JAKMIP2: variants seen among roughly 807,000 people sequenced by gnomAD.
JAKMIP2 encodes the protein janus kinase and microtubule interacting protein 2, also known as janus kinase and microtubule-interacting protein 2.
In JAKMIP2, 25 loss-of-function variants were observed where a neutral mutation model predicts 115.0. That is an observed-to-expected ratio of 0.22 (90% CI 0.16 to 0.30). The LOEUF (loss-of-function observed/expected upper bound fraction) is 0.30. JAKMIP2 is among the 10% of genes least tolerant of loss of function. The pLI, the probability that JAKMIP2 is intolerant of heterozygous loss-of-function variation, is 1.00. For missense variants in JAKMIP2, 642 were observed against 957.6 expected (o/e 0.67, Z 4.35); for synonymous variants, 334 against 343.6 (o/e 0.97, Z 0.31).
chr5:147,750,421 A>C (rs1265970746), intron 1 of JAKMIP2, among the ~76,000 whole-genome samples: 1 of 152,050 alleles, frequency 6.6e-6, no homozygotes, highest in Non-Finnish European at 1.5e-5. Context: ...CACATGTTAT[A>C]CTCACTTATT....
intron 1 of JAKMIP2, among the ~76,000 whole-genome samples, chr5:147,684,544 AG>A (rs2126842470): frequency 6.6e-6 from 1 of 152,340 alleles, no homozygotes; most frequent in East Asian, 1.9e-4. Context: ...AGGTAGGACA[AG>A]TGGAGATAAG....
intron 1 of JAKMIP2, among the ~76,000 whole-genome samples, chr5:147,709,372 A>G (rs1257011381): frequency 6.6e-6 from 1 of 152,172 alleles, no homozygotes; most frequent in Non-Finnish European, 1.5e-5. Flanking sequence ...ATACATGCCA[A>G]CTATTACATA....
Position 147,661,029 on chromosome 5 carries a change from C to T in JAKMIP2, c.546G>A (p.Gly182=). ...GGGACTGATGCTCACTCCGAAGGTC[C>T]CCAGCCTTGATTTTATCTGCTTGGA... ...NMIQADKIKA[G]DLRSEHQSHQ... is the part of the protein sequence containing the mutation. The change falls in exon 3 of 22, where the codon GGG becomes GGA. Residue 182 remains glycine (G), a synonymous_variant. Transcript: ENST00000616793. 6.2e-7 allele frequency: 1 copy of T among 1,613,988 alleles called. No homozygotes were observed. Among genetic ancestry groups the T allele is most frequent in the Non-Finnish European group, 8.5e-7 (1 of 1,180,014 alleles).
chr5:147,669,133 TA>T (rs1227152063), intron 2 of JAKMIP2, among the ~76,000 whole-genome samples: 3 of 152,340 alleles, frequency 2.0e-5, no homozygotes, highest in Admixed American at 2.0e-4. Flanking sequence ...GCATTGTTCA[TA>T]TTCTCTCTCT....
intron 1 of JAKMIP2, among the ~76,000 whole-genome samples, chr5:147,779,485 T>C (rs1171315328): frequency 6.6e-6 from 1 of 152,066 alleles, no homozygotes; most frequent in African/African-American, 2.4e-5. Context: ...AATAACACAG[T>C]ACATTTTTCA....
At chr5:147,732,198 A>G (rs1279726199) in intron 1 of JAKMIP2, among the ~76,000 whole-genome samples, 1 of 152,198 alleles carries the variant, frequency 6.6e-6, no homozygotes, top group African/African-American at 2.4e-5. Context: ...TTAGGTTTCC[A>G]GTCTATGTTT....
At chr5:147,660,886 C>T in intron 3 of JAKMIP2, 62 bp downstream of exon 3, 1 of 1,562,058 alleles carries the variant, frequency 6.4e-7, no homozygotes, top group Non-Finnish European at 8.7e-7. Flanking sequence ...GCAAACCCCA[C>T]AGCGCTCTGA....
At chr5:147,618,225 G>T in intron 18 of JAKMIP2, 111 bp from the exon 19 acceptor site, 1 of 761,980 alleles carries the variant, frequency 1.3e-6, no homozygotes, top group Non-Finnish European at 2.2e-6. Flanking sequence ...AGGCTTATAG[G>T]ATCTTAGCAA....
intron 1 of JAKMIP2, among the ~76,000 whole-genome samples, chr5:147,752,258 A>G (rs1447757805): frequency 6.6e-6 from 1 of 152,192 alleles, no homozygotes; most frequent in African/African-American, 2.4e-5. Context: ...TGGATGAAGT[A>G]TGGAGTGCCT....
chr5:147,706,224 A>G (rs1409019655), intron 1 of JAKMIP2, among the ~76,000 whole-genome samples: 1 of 152,154 alleles, frequency 6.6e-6, no homozygotes, highest in East Asian at 1.9e-4. Flanking sequence ...CTCTTACAGA[A>G]GTGAATTCCC....
rs141920130 is a variant in JAKMIP2, at chr5:147,622,600, C to G, written c.2064+1021G>C. Among the ~76,000 whole-genome samples the G allele has an allele frequency of 1.6e-3, 250 of 152,318 alleles. 6 individuals carry two copies. The East Asian group carries it at 0.034, about 21-fold the overall frequency. On this transcript the variant is annotated intron_variant, in intron 17 of 21. Transcript: ENST00000616793. ...ATCAGAACTTCCTTCCTTTTGAAGG[C>G]TAAATAATATTCCATGATATGTATA...
At chr5:147,639,124 T>C (rs1333619530) in intron 10 of JAKMIP2, among the ~76,000 whole-genome samples, 2 of 152,212 alleles carry the variant, frequency 1.3e-5, no homozygotes, top group African/African-American at 4.8e-5. Context: ...TTTGTGCTAT[T>C]TGGGGCAATT....
At position 147,660,853 on chromosome 5, in the gene JAKMIP2, C is replaced by T. The variant is rs1163257010; in HGVS notation, c.627+95G>A. Reference sequence around the variant, plus strand: ...AAAGGTAGGCACTGTTTACAATCCACTGACAAGAAAACACATGAAGAAGCA... The same window carrying T: ...AAAGGTAGGCACTGTTTACAATCCATTGACAAGAAAACACATGAAGAAGCA... On this transcript the variant is annotated intron_variant, in intron 3 of 21. Transcript: ENST00000616793. 4.3e-6 allele frequency: 6 copies of T among 1,397,420 alleles called. No individual in the cohort carries two copies. The East Asian group carries it at 1.4e-4, about 32-fold the overall frequency. The allele number at this position is 1,397,420 out of a possible 1,614,324, so 86.6% of individuals were successfully genotyped here.
At chr5:147,719,418 T>G (rs201814345) in intron 1 of JAKMIP2, among the ~76,000 whole-genome samples, 35,039 of 127,048 alleles carry the variant, frequency 0.28, 5,799 homozygotes, top group African/African-American at 0.51. Context: ...ACTTTCTGTC[T>G]CGTTGATCTG....
intron 20 of JAKMIP2, among the ~76,000 whole-genome samples, chr5:147,602,055 T>C (rs1380081514): frequency 6.6e-6 from 1 of 152,120 alleles, no homozygotes; most frequent in East Asian, 1.9e-4. Flanking sequence ...TGGTCTAAGC[T>C]CCTAATTTTA....
chr5:147,782,140 G>C (rs914315637), intron 1 of JAKMIP2, among the ~76,000 whole-genome samples: 1 of 152,122 alleles, frequency 6.6e-6, no homozygotes, highest in African/African-American at 2.4e-5. Context: ...CCCTCTTCTT[G>C]TTGTTAGCTC....
intron 20 of JAKMIP2, among the ~76,000 whole-genome samples, chr5:147,602,102 A>C (rs2126586529): frequency 6.6e-6 from 1 of 152,354 alleles, no homozygotes; most frequent in South Asian, 2.1e-4. Flanking sequence ...GTAAATCAAT[A>C]GTTTAATTTC....
chr5:147,759,357 T>A (rs1252467592), intron 1 of JAKMIP2, among the ~76,000 whole-genome samples: 1 of 152,096 alleles, frequency 6.6e-6, no homozygotes, highest in Non-Finnish European at 1.5e-5. Flanking sequence ...TATCATTTTT[T>A]AAAGATAGTT....
intron 1 of JAKMIP2, among the ~76,000 whole-genome samples, chr5:147,677,638 G>A (rs1014334030): frequency 1.2e-4 from 19 of 152,166 alleles, no homozygotes; most frequent in African/African-American, 4.3e-4. Context: ...TGTTTAGGCA[G>A]CTTCCAAATC....
Sources: allele counts gnomAD v4.1 joint callset (sites outside exome capture counted in the v4.1 genomes callset), GRCh38; gene constraint gnomAD v4.1.1; transcripts MANE v1.5; gene names NCBI Gene and HGNC (gene_info 2026-07-23, HGNC 2026-07-21).